RRAGB: variants seen among roughly 807,000 people sequenced by gnomAD.
The protein encoded by RRAGB is Ras related GTP binding B.
In RRAGB, 6 loss-of-function variants were observed where a neutral mutation model predicts 29.3. The observed-to-expected ratio is 0.21, with a 90% confidence interval of 0.11 to 0.40. RRAGB has a LOEUF of 0.40. Among genes scored for constraint, RRAGB ranks in the 10% least tolerant of loss-of-function variants. RRAGB has a pLI of 1.00. For missense variants in RRAGB, 184 were observed against 272.9 expected (o/e 0.67, Z 2.29); for synonymous variants, 101 against 92.5 (o/e 1.09, Z -0.53).
At chrX:55,729,432 G>A (rs751693660) in intron 4 of RRAGB, 72 bp downstream of exon 4, 8 of 623,418 alleles carry the variant, frequency 1.3e-5, no homozygotes, top group Admixed American at 4.8e-5. Context: ...TCAGCATGGC[G>A]AATACACCTA....
chrX:55,744,496 T>A, intron 5 of RRAGB, among the ~76,000 whole-genome samples: 1 of 110,054 alleles, frequency 9.1e-6, no homozygotes, highest in East Asian at 2.8e-4. Flanking sequence ...CGCTTTAATT[T>A]GGTGATGGAG....
chrX:55,732,950 T>G (rs1027000092), intron 5 of RRAGB, among the ~76,000 whole-genome samples: 20 of 110,320 alleles, frequency 1.8e-4, no homozygotes, highest in East Asian at 5.7e-4. Flanking sequence ...TTTTGTGGGG[T>G]TTTTTTTTAG....
intron 4 of RRAGB, 22 bp from the exon 5 acceptor site, chrX:55,731,340 CTA>C (rs778636933): frequency 6.4e-6 from 7 of 1,100,168 alleles, no homozygotes; most frequent in Admixed American, 2.3e-5. Context: ...GATTTGCTTA[CTA>C]TATATATATT....
intron 6 of RRAGB, among the ~76,000 whole-genome samples, chrX:55,751,968 G>A (rs2034540779): frequency 9.0e-6 from 1 of 111,125 alleles, no homozygotes; most frequent in Non-Finnish European, 1.9e-5. Context: ...GGGTAGGAAA[G>A]CACCCTTCTC....
chrX:55,731,109 G>A (rs1198835786), intron 4 of RRAGB, among the ~76,000 whole-genome samples: 1 of 111,458 alleles, frequency 9.0e-6, no homozygotes, highest in African/African-American at 3.3e-5. Context: ...TCTGGTACAG[G>A]AGAATCAATG....
intron 1 of RRAGB, 86 bp from the exon 2 acceptor site, chrX:55,719,228 G>A: frequency 1.2e-6 from 1 of 825,652 alleles, no homozygotes; most frequent in Non-Finnish European, 1.8e-6. Context: ...ATGCTCTTTT[G>A]TACCTCCATG....
chrX:55,722,363 C>A, intron 3 of RRAGB, 78 bp downstream of exon 3: 1 of 624,112 alleles, frequency 1.6e-6, no homozygotes, highest in Non-Finnish European at 2.5e-6. Context: ...GTTTCAGTAC[C>A]TTGGGGATGC....
At chrX:55,725,215 G>A (rs2033434797) in intron 3 of RRAGB, among the ~76,000 whole-genome samples, 1 of 112,084 alleles carries the variant, frequency 8.9e-6, no homozygotes, top group Admixed American at 9.5e-5. Flanking sequence ...TTTTTATGTA[G>A]CAGGCACAGA....
intron 5 of RRAGB, among the ~76,000 whole-genome samples, chrX:55,735,270 G>A (rs1225777883): frequency 8.9e-6 from 1 of 112,154 alleles, no homozygotes; most frequent in Non-Finnish European, 1.9e-5. Flanking sequence ...CTTAGGTCTA[G>A]TAGTTTCTGT....
intron 2 of RRAGB, among the ~76,000 whole-genome samples, chrX:55,721,127 T>C (rs914295872): frequency 9.0e-6 from 1 of 111,509 alleles, no homozygotes; most frequent in Non-Finnish European, 1.9e-5. Context: ...TCTTGCTTTC[T>C]ATATTTGTTT....
intron 5 of RRAGB, among the ~76,000 whole-genome samples, chrX:55,747,802 G>T (rs1432664632): frequency 4.7e-5 from 4 of 84,791 alleles, no homozygotes; most frequent in Non-Finnish European, 4.9e-5. Flanking sequence ...TCATCCTTAA[G>T]ATTATTCTCG....
chrX:55,750,358 A>G (rs1164874191), intron 5 of RRAGB, among the ~76,000 whole-genome samples: 1 of 110,670 alleles, frequency 9.0e-6, no homozygotes, highest in African/African-American at 3.3e-5. Context: ...TGTGGAGTTA[A>G]TTTTGTGGTT....
At chrX:55,748,927 C>T (rs766025352) in intron 5 of RRAGB, among the ~76,000 whole-genome samples, 8 of 95,901 alleles carry the variant, frequency 8.3e-5, no homozygotes, top group African/African-American at 1.2e-4. Flanking sequence ...GTCAGCCCCC[C>T]GCCCGGCCAG....
chrX:55,737,980 G>A (rs2033923635), intron 5 of RRAGB, among the ~76,000 whole-genome samples: 1 of 112,364 alleles, frequency 8.9e-6, no homozygotes, highest in African/African-American at 3.2e-5. Flanking sequence ...TGGTACTTGT[G>A]CTCGTGAGTG....
chrX:55,718,064 A>G lies in RRAGB; in HGVS notation c.-264A>G, dbSNP rs2033116287. 2 of 255,318 alleles carry G rather than the reference A, an allele frequency of 7.8e-6. No homozygotes were observed. Among genetic ancestry groups the G allele is most frequent in the Admixed American group, 6.5e-5 (1 of 15,374 alleles). 21.0% of individuals were successfully genotyped at this position (255,318 alleles called of 1,213,427 possible). On this transcript the variant is annotated 5_prime_UTR_variant, in exon 1 of 10. Transcript: ENST00000374941. ...ACCTCTCTTTTCCTGTCATTCTCCAACTCTTACTTTGTACCACGGAATCAC... is the reference window on the plus strand; with the variant it reads ...ACCTCTCTTTTCCTGTCATTCTCCAGCTCTTACTTTGTACCACGGAATCAC...
intron 5 of RRAGB, among the ~76,000 whole-genome samples, chrX:55,738,499 C>T (rs544689158): frequency 8.9e-6 from 1 of 112,510 alleles, no homozygotes; most frequent in Admixed American, 9.4e-5. Context: ...TAAAAATAGC[C>T]TTAGTGTGAT....
intron 5 of RRAGB, among the ~76,000 whole-genome samples, chrX:55,746,254 A>G (rs887541116): frequency 1.8e-5 from 2 of 111,851 alleles, no homozygotes; most frequent in Non-Finnish European, 3.8e-5. Context: ...TCTTCCACAT[A>G]TACAGATCAA....
chrX:55,721,026 C>T (rs2033260779), intron 2 of RRAGB, among the ~76,000 whole-genome samples: 1 of 112,045 alleles, frequency 8.9e-6, no homozygotes, highest in Non-Finnish European at 1.9e-5. Context: ...TTGACGAGTG[C>T]TCTCTGTGTG....
At chrX:55,742,847 G>A (rs1392893617) in intron 5 of RRAGB, among the ~76,000 whole-genome samples, 2 of 111,544 alleles carry the variant, frequency 1.8e-5, no homozygotes, top group Non-Finnish European at 3.8e-5. Context: ...GCCTCCTAGA[G>A]AACCTTGCCT....
Sources: gnomAD v4.1 joint callset for allele counts (sites outside exome capture counted in the v4.1 genomes callset) on GRCh38, gnomAD v4.1.1 for gene constraint, MANE v1.5 for transcripts, NCBI Gene and HGNC (gene_info 2026-07-23, HGNC 2026-07-21) for gene names.